Variants in SLC8A1 observed in about 807,000 individuals in gnomAD.
SLC8A1 encodes the protein sodium/calcium exchanger 1.
A neutral mutation model predicts 68.3 loss-of-function variants in SLC8A1; 18 were observed. The observed-to-expected ratio is 0.26, with a 90% CI of 0.18 to 0.39. SLC8A1 has a LOEUF of 0.39. SLC8A1 is among the 10% of genes least tolerant of loss of function. SLC8A1 has a pLI of 1.00. For missense variants in SLC8A1, 985 were observed against 1,156.7 expected (o/e 0.85, Z 2.15); for synonymous variants, 475 against 415.5 (o/e 1.14, Z -1.74).
chr2:40,342,507 G>A (rs929269130), intron 2 of SLC8A1, among the ~76,000 whole-genome samples: 1 of 152,118 alleles, frequency 6.6e-6, no homozygotes, highest in Non-Finnish European at 1.5e-5. Context: ...AAGTAAATGG[G>A]AAGAAAGATG....
chr2:40,508,947 C>A (rs1475518038), intron 1 of SLC8A1, among the ~76,000 whole-genome samples: 2 of 151,966 alleles, frequency 1.3e-5, no homozygotes, highest in Admixed American at 1.3e-4. Flanking sequence ...GCATCACCTA[C>A]CCTACGTGAT....
intron 1 of SLC8A1, among the ~76,000 whole-genome samples, chr2:40,458,897 C>G (rs1559745155): frequency 6.6e-6 from 1 of 152,020 alleles, no homozygotes; most frequent in African/African-American, 2.4e-5. Flanking sequence ...TGTAAGTTTC[C>G]TGATTATGTC....
At chr2:40,493,999 T>C (rs546782340) in intron 1 of SLC8A1, among the ~76,000 whole-genome samples, 24 of 151,980 alleles carry the variant, frequency 1.6e-4, no homozygotes, top group African/African-American at 4.6e-4. Context: ...CAAATATTAA[T>C]ACAACTTGGA....
At chr2:40,162,658 T>C (rs2045888109) in intron 5 of SLC8A1, among the ~76,000 whole-genome samples, 1 of 152,116 alleles carries the variant, frequency 6.6e-6, no homozygotes, top group Non-Finnish European at 1.5e-5. Flanking sequence ...CCTTGACCTA[T>C]GGGAAAAATG....
chr2:40,289,117 A>C (rs1050273254), intron 2 of SLC8A1, among the ~76,000 whole-genome samples: 1 of 152,084 alleles, frequency 6.6e-6, no homozygotes, highest in South Asian at 2.1e-4. Flanking sequence ...TTTCAGTCAA[A>C]TGTATTATAA....
intron 2 of SLC8A1, among the ~76,000 whole-genome samples, chr2:40,244,055 A>G (rs935311959): frequency 6.6e-6 from 1 of 151,868 alleles, no homozygotes; most frequent in African/African-American, 2.4e-5. Flanking sequence ...GTTATTAAAA[A>G]AAATGAACAT....
At chr2:40,355,989 T>G (rs1260990675) in intron 2 of SLC8A1, among the ~76,000 whole-genome samples, 1 of 152,114 alleles carries the variant, frequency 6.6e-6, no homozygotes, top group Non-Finnish European at 1.5e-5. Flanking sequence ...GCCAAGCACC[T>G]ACCGAGAGCT....
intron 2 of SLC8A1, among the ~76,000 whole-genome samples, chr2:40,273,947 G>A (rs566907560): frequency 2.7e-4 from 41 of 150,712 alleles, no homozygotes; most frequent in Admixed American, 1.7e-3. Context: ...TACTTCACCA[G>A]GGGGCTCTGT....
intron 2 of SLC8A1, among the ~76,000 whole-genome samples, chr2:40,404,822 T>G (rs577951055): frequency 3.3e-5 from 5 of 152,306 alleles, no homozygotes; most frequent in Admixed American, 1.3e-4. Context: ...GCTGTTCAAA[T>G]GAATGCTGAA....
intron 1 of SLC8A1, among the ~76,000 whole-genome samples, chr2:40,442,085 A>G (rs944720637): frequency 2.0e-5 from 3 of 148,540 alleles, no homozygotes; most frequent in African/African-American, 7.4e-5. Context: ...GCATTAGGAG[A>G]TATACCTAAT....
intron 6 of SLC8A1, among the ~76,000 whole-genome samples, 190 bp from the exon 10 acceptor site, chr2:40,139,866 C>G (rs928065277): frequency 6.6e-6 from 1 of 152,112 alleles, no homozygotes; most frequent in Non-Finnish European, 1.5e-5. Flanking sequence ...ACTGAAATGC[C>G]TCTTACCTGT....
chr2:40,400,733 A>C (rs62149404), intron 2 of SLC8A1, among the ~76,000 whole-genome samples: 58,231 of 151,974 alleles, frequency 0.38, 13,491 homozygotes, highest in Non-Finnish European at 0.55. Flanking sequence ...CCCTTGCAAG[A>C]TGGGGGTAGG....
At chr2:40,279,441 C>G (rs1327179831) in intron 2 of SLC8A1, among the ~76,000 whole-genome samples, 1 of 152,122 alleles carries the variant, frequency 6.6e-6, no homozygotes, top group East Asian at 1.9e-4. Context: ...ATTCCTTAAA[C>G]TAGGATCTTT....
chr2:40,342,612 T>A (rs1338526353), intron 2 of SLC8A1, among the ~76,000 whole-genome samples: 1 of 152,156 alleles, frequency 6.6e-6, no homozygotes, highest in Non-Finnish European at 1.5e-5. Context: ...GGGGCCAACA[T>A]GCTGTTAGAT....
chr2:40,376,840 G>T (rs1209669667), intron 2 of SLC8A1, among the ~76,000 whole-genome samples: 1 of 151,994 alleles, frequency 6.6e-6, no homozygotes, highest in Non-Finnish European at 1.5e-5. Flanking sequence ...TAAATAATCT[G>T]AATACTTGTA....
chr2:40,195,136 T>G (rs924228426), intron 2 of SLC8A1, among the ~76,000 whole-genome samples: 1 of 152,100 alleles, frequency 6.6e-6, no homozygotes. Context: ...ACTGAAGTCT[T>G]GAAATCAACA....
At chr2:40,124,749 T>C (rs931405957) in intron 7 of SLC8A1, among the ~76,000 whole-genome samples, 2 of 152,190 alleles carry the variant, frequency 1.3e-5, no homozygotes, top group East Asian at 3.8e-4. Context: ...TTAGAAACAA[T>C]TGTCTATCAT....
chr2:40,166,887 A>AGATGTC (rs2046634941), intron 4 of SLC8A1, among the ~76,000 whole-genome samples: 1 of 152,242 alleles, frequency 6.6e-6, no homozygotes, highest in Non-Finnish European at 1.5e-5. Context: ...AAGAAGGAAT[A>AGATGTC]TTACAACTTG....
chr2:40,272,100 C>G (rs547784039), intron 2 of SLC8A1, among the ~76,000 whole-genome samples: 15 of 152,228 alleles, frequency 9.9e-5, no homozygotes, highest in African/African-American at 3.6e-4. Context: ...AACGCCTGGT[C>G]GCAAATGCTC....
Sources: gnomAD v4.1 joint callset for allele counts (sites outside exome capture counted in the v4.1 genomes callset) on GRCh38, gnomAD v4.1.1 for gene constraint, MANE v1.5 for transcripts, NCBI Gene and HGNC (gene_info 2026-07-23, HGNC 2026-07-21) for gene names.